SEC31A: variants seen among roughly 807,000 people sequenced by gnomAD.
SEC31A encodes SEC31 homolog A, COPII component.
SEC31A carries 70 observed loss-of-function variants against 151.0 expected under a neutral mutation model. That is an observed-to-expected ratio of 0.46 (90% CI 0.38 to 0.57). The LOEUF is 0.57. Ranked by LOEUF, SEC31A falls within the 20% of genes least tolerant of loss-of-function variation. The pLI is 0.00. For missense variants in SEC31A, 1,330 were observed against 1,471.2 expected (o/e 0.90, Z 1.57); for synonymous variants, 475 against 505.9 (o/e 0.94, Z 0.82).
intron 4 of SEC31A, chr4:82,877,613 G>A (rs1255473375): frequency 1.3e-5 from 2 of 152,098 alleles, no homozygotes; most frequent in African/African-American, 4.8e-5. Flanking sequence ...ATTAAGCTGT[G>A]CATTTATATA....
At chr4:82,825,596 T>C (rs1724374490) in intron 24 of SEC31A, among the ~76,000 whole-genome samples, 1 of 152,170 alleles carries the variant, frequency 6.6e-6, no homozygotes, top group South Asian at 2.1e-4. Flanking sequence ...AAGGCCAGTA[T>C]AGCTGGAGCA....
exon 1 of SEC31A, chr4:82,900,524 A>T (rs1031149649): frequency 6.1e-6 from 3 of 494,452 alleles, no homozygotes; most frequent in Non-Finnish European, 1.1e-5. Context: ...GTTGCAGCAA[A>T]ACCCACTATT....
intron 19 of SEC31A, among the ~76,000 whole-genome samples, chr4:82,849,417 A>G (rs950613469): frequency 1.3e-5 from 2 of 152,126 alleles, no homozygotes; most frequent in Non-Finnish European, 2.9e-5. Flanking sequence ...GATCGAGACC[A>G]TCCTGGCTAA....
chr4:82,871,644 C>T (rs371164820), intron 7 of SEC31A: 7 of 532,864 alleles, frequency 1.3e-5, no homozygotes, highest in South Asian at 5.1e-5. Flanking sequence ...GGCGTGGTGG[C>T]GCATGCATGT....
chr4:82,854,546 A>C (rs147133344), intron 17 of SEC31A, among the ~76,000 whole-genome samples: 176 of 152,190 alleles, frequency 1.2e-3, no homozygotes, highest in African/African-American at 4.1e-3. Context: ...TGTTATTATT[A>C]ATTTTATCAT....
Position 82,851,566 on chromosome 4 carries a change from C to T in SEC31A, c.2193G>A (p.Val731=), listed in dbSNP as rs759148463. The change falls in exon 19 of 27, where the codon GTG becomes GTA. Residue 731 remains valine, a synonymous_variant. Coordinates refer to ENST00000395310, the MANE Select transcript of SEC31A (RefSeq NM_001077207.4). Reference sequence around the variant, plus strand: ...TAGTGTCCATGGCTTGAGTGAGTTGCACAGCTTTTCGCAGGATGACAACTT... The same window carrying T: ...TAGTGTCCATGGCTTGAGTGAGTTGTACAGCTTTTCGCAGGATGACAACTT... The part of the protein sequence containing the change: ...IEKVVILRKA[V]QLTQAMDTST... 43 of 1,611,542 alleles carry T rather than the reference C, an allele frequency of 2.7e-5. No individual in the cohort carries two copies. The highest frequency in any genetic ancestry group is 3.1e-5 in the Non-Finnish European group (37 of 1,178,822).
chr4:82,898,427 CT>C (rs1331652951), intron 3 of SEC31A, among the ~76,000 whole-genome samples: 4 of 152,178 alleles, frequency 2.6e-5, no homozygotes, highest in African/African-American at 9.7e-5. Flanking sequence ...GCAGTGACCC[CT>C]TGCGGCTATT....
At chr4:82,890,910 T>C in intron 1 of SEC31A, 178 bp downstream of exon 1, 2 of 1,413,670 alleles carry the variant, frequency 1.4e-6, no homozygotes, top group African/African-American at 2.9e-5. Context: ...GGAGTCCAGA[T>C]GCCAGGCGTT....
intron 2 of SEC31A, chr4:82,899,770 G>A (rs1720229239): frequency 6.5e-6 from 1 of 152,672 alleles, no homozygotes; most frequent in Non-Finnish European, 1.5e-5. Flanking sequence ...GGAAAAAGAA[G>A]CAATCTTGTT....
chr4:82,838,186 T>A (rs955023569), intron 22 of SEC31A, among the ~76,000 whole-genome samples: 5 of 152,264 alleles, frequency 3.3e-5, no homozygotes, highest in Non-Finnish European at 7.3e-5. Flanking sequence ...GCCTAAGGAA[T>A]GTTCATGAAA....
intron 1 of SEC31A, among the ~76,000 whole-genome samples, chr4:82,885,817 C>T (rs1267740424): frequency 6.6e-6 from 1 of 152,150 alleles, no homozygotes; most frequent in African/African-American, 2.4e-5. Flanking sequence ...TTGTTCCAGT[C>T]TCAGTCCTGC....
chr4:82,827,917 G>A (rs192293369), intron 23 of SEC31A, among the ~76,000 whole-genome samples: 12 of 151,004 alleles, frequency 7.9e-5, no homozygotes, highest in Admixed American at 3.3e-4. Flanking sequence ...TAAAACCATG[G>A]CTTTTTTTTT....
intron 1 of SEC31A, among the ~76,000 whole-genome samples, chr4:82,885,906 AT>A (rs1221551306): frequency 1.3e-5 from 2 of 152,152 alleles, no homozygotes; most frequent in Non-Finnish European, 2.9e-5. Flanking sequence ...ATCCTCTAAC[AT>A]TTTCCTTAAG....
chr4:82,849,937 C>T (rs1345629737), intron 19 of SEC31A, among the ~76,000 whole-genome samples: 1 of 151,958 alleles, frequency 6.6e-6, no homozygotes, highest in African/African-American at 2.4e-5. Context: ...TTAAAGGGAT[C>T]ATTTAAATGT....
intron 24 of SEC31A, 129 bp downstream of exon 24, chr4:82,827,240 G>A: frequency 1.9e-6 from 2 of 1,042,958 alleles, no homozygotes; most frequent in East Asian, 2.4e-5. Context: ...TTAAAAAAAA[G>A]TTACTATTTT....
chr4:82,860,047 C>A (rs1299712894), intron 14 of SEC31A, among the ~76,000 whole-genome samples: 1 of 152,190 alleles, frequency 6.6e-6, no homozygotes, highest in East Asian at 1.9e-4. Flanking sequence ...CCGCCTCGGC[C>A]TCCCAAAGTG....
chr4:82,899,545 A>G (rs1474039116), intron 3 of SEC31A: 2 of 152,448 alleles, frequency 1.3e-5, no homozygotes, highest in African/African-American at 4.8e-5. Flanking sequence ...CCTTACAGCC[A>G]AAAAGTATTT....
chr4:82,849,670 A>G (rs144330236), intron 19 of SEC31A, among the ~76,000 whole-genome samples: 1 of 151,832 alleles, frequency 6.6e-6, no homozygotes, highest in African/African-American at 2.4e-5. Flanking sequence ...ATCAACTACT[A>G]AAGGTGGTTA....
At chr4:82,841,467 T>TATATATATATATACAC (rs1339344582) in intron 22 of SEC31A, among the ~76,000 whole-genome samples, 6 of 103,558 alleles carry the variant, frequency 5.8e-5, no homozygotes, top group African/African-American at 2.1e-4. Context: ...TATATATATA[T>TATATATATATATACAC]ACACACACAC....
Sources: allele counts gnomAD v4.1 joint callset (sites outside exome capture counted in the v4.1 genomes callset), GRCh38; gene constraint gnomAD v4.1.1; transcripts MANE v1.5; gene names NCBI Gene and HGNC (gene_info 2026-07-23, HGNC 2026-07-21).